Variants in PNKP observed in about 807,000 individuals in gnomAD.
PNKP encodes polynucleotide kinase 3'-phosphatase.
A neutral mutation model predicts 66.2 loss-of-function variants in PNKP; 82 were observed. That is an observed-to-expected ratio of 1.24 (90% CI 1.04 to 1.49). The LOEUF is 1.49. PNKP is among the 40% of genes most tolerant of loss of function. The probability of loss-of-function intolerance (pLI) is 0.00; values close to 1 mark genes in which losing one functional copy is unlikely to be tolerated. For synonymous variants in PNKP, 412 were observed against 298.9 expected (o/e 1.38, Z -3.90); for missense variants, 907 against 706.8 (o/e 1.28, Z -3.21).
chr19:49,866,728 C>A (rs1253126329), intron 2 of PNKP: 4 of 595,592 alleles, frequency 6.7e-6, no homozygotes, highest in Non-Finnish European at 6.0e-6. Flanking sequence ...CTGTTACCAT[C>A]CATCCCAACC....
intron 9 of PNKP, 32 bp from the exon 10 acceptor site, chr19:49,862,640 G>A (rs2074785911): frequency 1.2e-6 from 2 of 1,613,694 alleles, no homozygotes; most frequent in Middle Eastern, 1.6e-4. Context: ...GTTCCCACCA[G>A]CTCGGAGGGA....
rs587784369 is a variant in PNKP, at chr19:49,864,042, G to A, written c.666C>T (p.Ile222=). ...CCTCGGCTGGCAGCTTCCCGCGCCC[G>A]ATGCTCATCTGGTTGGTGAAGATCA... is the stretch of plus-strand genomic sequence containing the variant. ...KLVIFTNQMS[I]GRGKLPAEEF... Residue 222 remains isoleucine (I), a synonymous_variant, in exon 7 of 17, where the codon ATC becomes ATT. Transcript: ENST00000322344. 5.6e-6 allele frequency: 9 copies of A among 1,613,820 alleles called. No individual in the cohort carries two copies. The highest frequency in any genetic ancestry group is 1.3e-5 in the African/African-American group (1 of 74,920).
In PNKP at chr19:49,861,457, A is replaced by C. The variant is rs2074756863; in HGVS notation, c.1440T>G (p.Tyr480Ter). The change falls in exon 16 of 17, where the codon TAT becomes TAG. Residue 480 changes from tyrosine (Y) to a stop codon, truncating the protein, a stop_gained. Coordinates refer to ENST00000322344, the MANE Select transcript of PNKP (RefSeq NM_007254.4). LOFTEE classifies it low-confidence loss of function (END_TRUNC). The part of the protein sequence containing the change: ...SHIPVSDMVM[Y>*]GYRKQFEAPT... ...GCTATCCCCAACAGTACCTGTAGCC[A>C]TACATGACCATGTCTGACACGGGGA... 1.2e-6 allele frequency: 2 copies of C among 1,613,956 alleles called. No homozygotes were observed. Among genetic ancestry groups the C allele is most frequent in the East Asian group, 2.2e-5 (1 of 44,868 alleles).
In PNKP at chr19:49,861,748, CCTACGGCCCCGCGGTCACG is replaced by C; in HGVS notation, c.1298+5_1298+23del. Reference sequence around the variant, plus strand: ...GCCCCGCCCACCCCGCCGCAGGCCACCTACGGCCCCGCGGTCACGCTACCTGGCGCGGCTCGCGGCGTCT... The same window carrying C: ...GCCCCGCCCACCCCGCCGCAGGCCACCTACCTGGCGCGGCTCGCGGCGTCT... On this transcript the variant is annotated splice_donor_5th_base_variant and intron_variant, in intron 14 of 16. Transcript: ENST00000322344. The C allele has an allele frequency of 6.4e-7, 1 of 1,557,438 alleles. No individual in the cohort carries two copies. Among genetic ancestry groups the C allele is most frequent in the Non-Finnish European group, 8.7e-7 (1 of 1,151,452 alleles).
rs2122334363 is a variant in PNKP, at chr19:49,863,984, TCTC to T, written c.721_723del (p.Glu241del). 2 of 1,613,586 alleles carry T rather than the reference TCTC, an allele frequency of 1.2e-6. No individual in the cohort carries two copies. The highest frequency in any genetic ancestry group is 1.7e-6 in the Non-Finnish European group (2 of 1,179,656). ...CATACCTGGAAGGGGACCCCCAGCTTCTCCACCACAGCCTCCACCTTGGCCTTG... is the reference window on the plus strand; with the variant it reads ...CATACCTGGAAGGGGACCCCCAGCTTCACCACAGCCTCCACCTTGGCCTTG... On this transcript the variant is annotated inframe_deletion, in exon 7 of 17. Transcript: ENST00000322344.
chr19:49,865,532 C>T, intron 3 of PNKP, 106 bp from the exon 4 acceptor site: 1 of 731,220 alleles, frequency 1.4e-6, no homozygotes, highest in South Asian at 1.6e-5. Flanking sequence ...ACTATCAGAC[C>T]CTTAGGCCCC....
chr19:49,862,204 G>T lies in PNKP; in HGVS notation c.1107C>A (p.Val369=). The change falls in exon 12 of 17, where the codon GTC becomes GTA. Residue 369 remains valine (V), a synonymous_variant. Coordinates refer to ENST00000322344, the MANE Select transcript of PNKP (RefSeq NM_007254.4). ...ACTTACCCCCAGGGAATCCCACTGC[G>T]ACAACCACCTCCGGGCTGGCGCTCA... The part of the protein sequence containing the change: ...ALLSASPEVV[V]AVGFPGAGKS... 7 of 1,613,676 alleles carry T rather than the reference G, an allele frequency of 4.3e-6. No homozygotes were observed. The highest frequency in any genetic ancestry group is 5.9e-6 in the Non-Finnish European group (7 of 1,179,812).
Position 49,861,794 on chromosome 19 carries a change from GGTTTGTGTTGTCGATGGCGACCCGT to G in PNKP, c.1251_1275del (p.Lys417AsnfsTer42). 6.4e-7 allele frequency: 1 copy of G among 1,572,116 alleles called. No individual in the cohort carries two copies. The highest frequency in any genetic ancestry group is 8.6e-7 in the Non-Finnish European group (1 of 1,162,460). On this transcript the variant is annotated frameshift_variant, in exon 14 of 17. Coordinates refer to ENST00000322344, the MANE Select transcript of PNKP (RefSeq NM_007254.4). LOFTEE classifies it high-confidence loss of function. ...TACCTGGCGCGGCTCGCGGCGTCTG[GGTTTGTGTTGTCGATGGCGACCCGT>G]TTCCCTTGCTTCAGGGCTGTCTCAC...
chr19:49,862,758 G>A lies in PNKP; in HGVS notation c.817-20C>T. 6.2e-7 allele frequency: 1 copy of A among 1,613,922 alleles called. No individual in the cohort carries two copies. Among genetic ancestry groups the A allele is most frequent in the Non-Finnish European group, 8.5e-7 (1 of 1,179,868 alleles). On this transcript the variant is annotated intron_variant, in intron 8 of 16. Transcript: ENST00000322344. ...GTTGGCCTACGGGAGACGGTAGTGAGGAGGCCCTTCCCACAAATGTCCCCC... is the reference window on the plus strand; with the variant it reads ...GTTGGCCTACGGGAGACGGTAGTGAAGAGGCCCTTCCCACAAATGTCCCCC...
Position 49,861,441 on chromosome 19 carries a change from A to G in PNKP, c.1448+8T>C. On this transcript the variant is annotated splice_region_variant and intron_variant, in intron 16 of 16. Coordinates refer to ENST00000322344, the MANE Select transcript of PNKP (RefSeq NM_007254.4). ...AGTGCCCCTGCCCCCTGCTATCCCC[A>G]ACAGTACCTGTAGCCATACATGACC... The G allele has an allele frequency of 1.2e-6, 2 of 1,614,054 alleles. No individual in the cohort carries two copies. The highest frequency in any genetic ancestry group is 1.7e-6 in the Non-Finnish European group (2 of 1,179,948).
In PNKP at chr19:49,861,938, G is replaced by A. The variant is rs546676673; in HGVS notation, c.1189-57C>T. ...CAGACCCAGGGGGAGAGAAGACCCC[G>A]AGCGGGGACGGGGAGGCAATGATGG... On this transcript the variant is annotated intron_variant, in intron 13 of 16. Transcript: ENST00000322344. 73 of 1,579,190 alleles carry A rather than the reference G, an allele frequency of 4.6e-5. No individual in the cohort carries two copies. In the South Asian group the frequency reaches 7.5e-4, roughly 16 times the overall value.
In PNKP at chr19:49,863,887, G is replaced by A. The variant is rs531459379; in HGVS notation, c.744+77C>T. 488 of 1,395,390 alleles carry A rather than the reference G, an allele frequency of 3.5e-4. 3 individuals carry two copies. The South Asian group carries it at 4.7e-3, about 14-fold the overall frequency. 86.4% of individuals were successfully genotyped at this position (1,395,390 alleles called of 1,614,324 possible). A position where few individuals can be genotyped will look rare whatever the true frequency, so the allele number is the denominator to read the frequency against. ...TCACACTGCCTGAGGCCTCCGCCCC[G>A]CTTACCCTGGAGTCTAAAGCCCTCG... On this transcript the variant is annotated intron_variant, in intron 7 of 16. Coordinates refer to ENST00000322344, the MANE Select transcript of PNKP (RefSeq NM_007254.4).
rs749292876 is a variant in PNKP at position 49,865,434 on chromosome 19, AAG to A, written c.199-10_199-9del. The A allele has an allele frequency of 3.5e-5, 55 of 1,592,782 alleles. No homozygotes were observed. Among genetic ancestry groups the A allele is most frequent in the Non-Finnish European group, 4.2e-5 (49 of 1,168,848 alleles). ...TGAGGGGTTAACTCCCAGCTGCAGA[AAG>A]AGAGGGAGGAGCTGGGACTGGCTCC... On this transcript the variant is annotated splice_polypyrimidine_tract_variant and intron_variant, in intron 3 of 16. Coordinates refer to ENST00000322344, the MANE Select transcript of PNKP (RefSeq NM_007254.4).
intron 8 of PNKP, 23 bp from the exon 9 acceptor site, chr19:49,862,761 G>C (rs376054768): frequency 6.8e-6 from 11 of 1,613,652 alleles, no homozygotes; most frequent in Non-Finnish European, 9.3e-6. Flanking sequence ...GTAGTGAGGA[G>C]GCCCTTCCCA....
chr19:49,863,487 A>G (rs1310438782), intron 8 of PNKP, among the ~76,000 whole-genome samples: 1 of 152,240 alleles, frequency 6.6e-6, no homozygotes. Context: ...GAAGGAATGA[A>G]CAGCTTCCCT....
In PNKP at chr19:49,867,182, C is replaced by G. The variant is rs768373887; in HGVS notation, c.23G>C (p.Gly8Ala). The G allele has an allele frequency of 8.7e-6, 14 of 1,611,622 alleles. No homozygotes were observed. The highest frequency in any genetic ancestry group is 8.5e-7 in the Non-Finnish European group (1 of 1,179,326). The change falls in exon 2 of 17, where the codon GGC becomes GCC. Residue 8 changes from glycine to alanine, a missense_variant. Coordinates refer to ENST00000322344, the MANE Select transcript of PNKP (RefSeq NM_007254.4). MGEVEAP[G>A]RLWLESPPGG... ...AGGGGGGCTCTCGAGCCACAAGCGG[C>G]CCGGGGCCTCCACCTCGCCCATCCT...
chr19:49,861,997 G>A lies in PNKP; in HGVS notation c.1188+47C>T, dbSNP rs146492255. On this transcript the variant is annotated intron_variant, in intron 13 of 16. Transcript: ENST00000322344. ...CGCCCCAAACCAGTTGAGAGGTGGAGATGGGAACTTTATAATAGATTTGGG... is the reference window on the plus strand; with the variant it reads ...CGCCCCAAACCAGTTGAGAGGTGGAAATGGGAACTTTATAATAGATTTGGG... The A allele has an allele frequency of 1.7e-3, 2,699 of 1,606,730 alleles. 38 individuals carry two copies. The African/African-American group carries it at 0.032, about 19-fold the overall frequency.
rs751327913 is a variant in PNKP at position 49,867,163 on chromosome 19, G to T, written c.42C>A (p.Ser14Arg). 15 of 1,608,754 alleles carry T rather than the reference G, an allele frequency of 9.3e-6. No individual in the cohort carries two copies. The highest frequency in any genetic ancestry group is 9.0e-5 in the East Asian group (4 of 44,636). Residue 14 changes from serine to arginine, a missense_variant, in exon 2 of 17, where the codon AGC (serine) becomes AGA (arginine). Ser to Arg is a moderately radical substitution (Grantham distance 110). Coordinates refer to ENST00000322344, the MANE Select transcript of PNKP (RefSeq NM_007254.4). ...AGATGGGGGGCGCTCCCCCAGGGGG[G>T]CTCTCGAGCCACAAGCGGCCCGGGG... Reference protein sequence around the residue: ...VEAPGRLWLESPPGGAPPIFL... With the variant: ...VEAPGRLWLERPPGGAPPIFL...
rs1418068428 is a variant in PNKP at position 49,866,489 on chromosome 19, A to AT, written c.152-45dup. ...GAGTCAGGATTTGCATCCTTGTGTG[A>AT]TTGGGTCCCTCATTTCTGGGGAGTG... On this transcript the variant is annotated intron_variant, in intron 2 of 16. Coordinates refer to ENST00000322344, the MANE Select transcript of PNKP (RefSeq NM_007254.4). The AT allele has an allele frequency of 6.3e-6, 10 of 1,592,086 alleles. No individual in the cohort carries two copies. In the African/African-American group the frequency reaches 1.2e-4, roughly 19 times the overall value.
Sources: gnomAD v4.1 joint callset for allele counts (sites outside exome capture counted in the v4.1 genomes callset) on GRCh38, gnomAD v4.1.1 for gene constraint, MANE v1.5 for transcripts, NCBI Gene and HGNC (gene_info 2026-07-23, HGNC 2026-07-21) for gene names.